The following DENND5B variants were observed in gnomAD, a reference collection of about 807,000 sequenced individuals.
DENND5B encodes the protein DENN domain-containing protein 5B.
Under a neutral mutation model 140.6 loss-of-function variants are expected in DENND5B, and 34 were observed. The ratio of observed to expected loss-of-function variants is 0.24; its 90% CI spans 0.18 to 0.32. The LOEUF (loss-of-function observed/expected upper bound fraction) is 0.32, where lower values mean the gene tolerates loss of function less well. Among genes scored for constraint, DENND5B ranks in the 10% least tolerant of loss-of-function variants. DENND5B has a pLI of 1.00. For missense variants in DENND5B, 1,142 were observed against 1,560.2 expected, an observed-to-expected ratio of 0.73 and a Z score of 4.52; for synonymous variants, 551 against 562.1, an observed-to-expected ratio of 0.98 and a Z score of 0.28.
At chr12:31,424,424 C>T in intron 10 of DENND5B, 111 bp downstream of exon 10, 5 of 1,320,618 alleles carry the variant, frequency 3.8e-6, no homozygotes, top group Non-Finnish European at 3.0e-6. Flanking sequence ...TTTTCTAGTC[C>T]CCTTGTGACA....
chr12:31,488,528 A>C (rs1448401304), intron 2 of DENND5B, among the ~76,000 whole-genome samples: 1 of 152,242 alleles, frequency 6.6e-6, no homozygotes, highest in Non-Finnish European at 1.5e-5. Context: ...TCTATGCTAC[A>C]GACAACAGAT....
chr12:31,399,600 T>C (rs1469754598), intron 16 of DENND5B, 54 bp downstream of exon 16: 1 of 1,436,364 alleles, frequency 7.0e-7, no homozygotes, highest in Non-Finnish European at 9.7e-7. Context: ...AACCTTTTCT[T>C]ACCTGAAGAG....
At chr12:31,417,217 C>T (rs1160199574) in intron 11 of DENND5B, among the ~76,000 whole-genome samples, 3 of 151,000 alleles carry the variant, frequency 2.0e-5, no homozygotes, top group South Asian at 2.1e-4. Flanking sequence ...ATTAGCTGGG[C>T]GTGGTGGTGG....
rs1182154633 is a variant in DENND5B, at chr12:31,385,030, TCA to T, written c.*2571_*2572del. On this transcript the variant is annotated 3_prime_UTR_variant, in exon 21 of 21. Transcript: ENST00000389082. Reference sequence around the variant, plus strand: ...ACTGACCTCAGATGAACCACCCGCCTCAGACTCCCAAAGTGTCAGGATTACAG... The same window carrying T: ...ACTGACCTCAGATGAACCACCCGCCTGACTCCCAAAGTGTCAGGATTACAG... 1 of 151,992 alleles carries T rather than the reference TCA, an allele frequency of 6.6e-6. No individual in the cohort carries two copies. Among genetic ancestry groups the T allele is most frequent in the African/African-American group, 2.4e-5 (1 of 41,382 alleles). The allele number at this position is 151,992 out of a possible 1,614,324, so 9.4% of individuals were successfully genotyped here.
intron 2 of DENND5B, among the ~76,000 whole-genome samples, chr12:31,493,887 T>A (rs2138714567): frequency 6.6e-6 from 1 of 152,244 alleles, no homozygotes; most frequent in East Asian, 1.9e-4. Flanking sequence ...TATCACTGTG[T>A]CTCAGTTCAC....
chr12:31,564,460 G>A (rs1296507781), intron 1 of DENND5B, among the ~76,000 whole-genome samples: 1 of 151,802 alleles, frequency 6.6e-6, no homozygotes, highest in African/African-American at 2.4e-5. Context: ...GGGTTCACTT[G>A]CAGCTGGCTA....
chr12:31,451,260 G>C (rs1944506641), intron 5 of DENND5B, among the ~76,000 whole-genome samples: 2 of 152,006 alleles, frequency 1.3e-5, no homozygotes, highest in South Asian at 2.1e-4. Context: ...ACTGTTATAA[G>C]GTTAAACAGT....
At chr12:31,418,838 C>T (rs1228093769) in intron 11 of DENND5B, among the ~76,000 whole-genome samples, 1 of 150,168 alleles carries the variant, frequency 6.7e-6, no homozygotes, top group Non-Finnish European at 1.5e-5. Flanking sequence ...GGGGGTCTCA[C>T]TATGTTGCCC....
chr12:31,390,623 G>A (rs940136003), intron 19 of DENND5B, among the ~76,000 whole-genome samples: 5 of 151,996 alleles, frequency 3.3e-5, no homozygotes, highest in East Asian at 1.9e-4. Context: ...GCAACAGAGC[G>A]AGACTCCATC....
intron 8 of DENND5B, among the ~76,000 whole-genome samples, chr12:31,431,775 C>A (rs1001457761): frequency 2.6e-5 from 4 of 151,734 alleles, no homozygotes; most frequent in Admixed American, 6.6e-5. Flanking sequence ...TGCTATCTAG[C>A]ACACAAAAAA....
chr12:31,467,882 T>G lies in DENND5B; in HGVS notation c.905-7501A>C, dbSNP rs1242235399. Among the ~76,000 whole-genome samples, 4 of 151,864 alleles carry G rather than the reference T, an allele frequency of 2.6e-5. No homozygotes were observed. In the South Asian group the frequency reaches 6.3e-4, roughly 24 times the overall value. The stretch of plus-strand genomic sequence containing the variant: ...GAAAAAACTGCAATGAGAAAAAAAT[T>G]TAAATCAATTCAAAACATCAAAAAC... On this transcript the variant is annotated intron_variant, in intron 3 of 20. Coordinates refer to ENST00000389082, the MANE Select transcript of DENND5B (RefSeq NM_144973.4).
chr12:31,433,518 C>T (rs1024119931), intron 7 of DENND5B, among the ~76,000 whole-genome samples: 5 of 152,164 alleles, frequency 3.3e-5, no homozygotes, highest in Non-Finnish European at 7.3e-5. Flanking sequence ...TATCAATACA[C>T]TTTAGATACT....
At chr12:31,551,980 T>C (rs1949080414) in intron 1 of DENND5B, among the ~76,000 whole-genome samples, 1 of 152,174 alleles carries the variant, frequency 6.6e-6, no homozygotes, top group African/African-American at 2.4e-5. Flanking sequence ...ACGATGGGGT[T>C]TTCTAGATAG....
At chr12:31,509,032 T>G (rs1396370240) in intron 1 of DENND5B, among the ~76,000 whole-genome samples, 1 of 152,102 alleles carries the variant, frequency 6.6e-6, no homozygotes, top group Admixed American at 6.6e-5. Context: ...CCAAAAAAAG[T>G]GAGGTGAAGG....
At chr12:31,446,196 G>C (rs1011180270) in intron 6 of DENND5B, among the ~76,000 whole-genome samples, 1 of 151,720 alleles carries the variant, frequency 6.6e-6, no homozygotes, top group South Asian at 2.1e-4. Flanking sequence ...TTGCCCAGGC[G>C]GGAGTGCAGT....
chr12:31,467,436 C>G (rs1186151013), intron 3 of DENND5B, among the ~76,000 whole-genome samples: 2 of 150,108 alleles, frequency 1.3e-5, no homozygotes, highest in Non-Finnish European at 3.0e-5. Context: ...CCAGCCTGGA[C>G]AAGACAGTGA....
chr12:31,395,420 C>G (rs920392752), intron 17 of DENND5B, among the ~76,000 whole-genome samples: 1 of 152,122 alleles, frequency 6.6e-6, no homozygotes, highest in African/African-American at 2.4e-5. Context: ...ATGGTGAAAC[C>G]CCGTCTCTAC....
At chr12:31,545,945 T>C (rs1440454107) in intron 1 of DENND5B, among the ~76,000 whole-genome samples, 2 of 8,534 alleles carry the variant, frequency 2.3e-4, no homozygotes, top group Non-Finnish European at 3.4e-4. Context: ...AGTAAGACAC[T>C]GTCTCAAAAA....
At chr12:31,404,220 A>G (rs1010059604) in intron 14 of DENND5B, among the ~76,000 whole-genome samples, 5 of 152,126 alleles carry the variant, frequency 3.3e-5, no homozygotes, top group Non-Finnish European at 2.9e-5. Context: ...GCGAGACCCT[A>G]TCTCAAAACA....
Sources: gnomAD v4.1 joint callset for allele counts (sites outside exome capture counted in the v4.1 genomes callset) on GRCh38, gnomAD v4.1.1 for gene constraint, MANE v1.5 for transcripts, NCBI Gene and HGNC (gene_info 2026-07-23, HGNC 2026-07-21) for gene names.